ABCB1: variants seen among roughly 807,000 people sequenced by gnomAD.
The protein encoded by ABCB1 is ATP-dependent translocase ABCB1.
ABCB1 carries 69 observed loss-of-function variants against 142.0 expected under a neutral mutation model. The ratio of observed to expected loss-of-function variants is 0.49; its 90% CI spans 0.40 to 0.59. The LOEUF (loss-of-function observed/expected upper bound fraction) is 0.59. Among genes scored for constraint, ABCB1 ranks in the 20% least tolerant of loss-of-function variants. The pLI is 0.00. For missense variants in ABCB1, 1,326 were observed against 1,554.7 expected (o/e 0.85, Z 2.47); for synonymous variants, 532 against 539.2 (o/e 0.99, Z 0.18).
At chr7:87,619,538 CAAAA>C (rs397829281) in intron 1 of ABCB1, among the ~76,000 whole-genome samples, 2 of 77,668 alleles carry the variant, frequency 2.6e-5, no homozygotes, top group Non-Finnish European at 2.7e-5. Flanking sequence ...AACTCCATCT[CAAAA>C]AAAAAAAAAA....
chr7:87,684,651 G>C (rs2130609459), intron 1 of ABCB1, among the ~76,000 whole-genome samples: 1 of 150,366 alleles, frequency 6.7e-6, no homozygotes, highest in South Asian at 2.1e-4. Context: ...AGGAGGCTGA[G>C]GCAGGAGGAT....
chr7:87,557,117 C>T (rs191653534), intron 8 of ABCB1, among the ~76,000 whole-genome samples: 25 of 152,268 alleles, frequency 1.6e-4, no homozygotes, highest in Non-Finnish European at 2.6e-4. Context: ...CTCTTTGATT[C>T]TTTCAGATCA....
intron 1 of ABCB1, among the ~76,000 whole-genome samples, chr7:87,702,735 C>T (rs1829206895): frequency 6.6e-6 from 1 of 151,984 alleles, no homozygotes; most frequent in Admixed American, 6.5e-5. Flanking sequence ...ATCGAACATC[C>T]CAAAACTGAA....
chr7:87,650,893 A>G (rs993588026), intron 1 of ABCB1: 2 of 1,612,908 alleles, frequency 1.2e-6, no homozygotes, highest in Non-Finnish European at 8.5e-7. Context: ...GAATTTAACA[A>G]TTTTGCAGCT....
In ABCB1 at chr7:87,617,077, T is replaced by G. The variant is rs567280755; in HGVS notation, c.-330-15999A>C. On this transcript the variant is annotated intron_variant, in intron 1 of 28. Coordinates refer to the ABCB1 transcript ENST00000265724. ...TCTATGTAGCCCATGAAATTAGAGT[T>G]CTTCCTGAGCCTGCAATCTGGGAAT... Among the ~76,000 whole-genome samples, 3 of 152,290 alleles carry G rather than the reference T, an allele frequency of 2.0e-5. No individual in the cohort carries two copies. The South Asian group carries it at 6.2e-4, about 32-fold the overall frequency.
intron 1 of ABCB1, among the ~76,000 whole-genome samples, chr7:87,639,705 T>G: frequency 6.6e-6 from 1 of 152,138 alleles, no homozygotes; most frequent in Non-Finnish European, 1.5e-5. Context: ...ACAGTTATAA[T>G]AGCTTTCTTT....
At chr7:87,565,057 T>C (rs2129801715) in intron 7 of ABCB1, among the ~76,000 whole-genome samples, 1 of 152,316 alleles carries the variant, frequency 6.6e-6, no homozygotes, top group Middle Eastern at 3.4e-3. Flanking sequence ...TCAGTTTCTT[T>C]CTCTGTAAAG....
chr7:87,516,484 CAAACAGTTG>C lies in ABCB1; in HGVS notation c.3084+16_3084+24del, dbSNP rs758207668. The C allele has an allele frequency of 3.1e-6, 5 of 1,614,020 alleles. No homozygotes were observed. Among genetic ancestry groups the C allele is most frequent in the Non-Finnish European group, 4.2e-6 (5 of 1,179,942 alleles). Reference sequence around the variant, plus strand: ...TTTCATTCAGGAGTCAGGAGTAGATCAAACAGTTGAAACATCAAACTCACCGGCATTAGG... The same window carrying C: ...TTTCATTCAGGAGTCAGGAGTAGATCAAACATCAAACTCACCGGCATTAGG... On this transcript the variant is annotated intron_variant, in intron 24 of 27. Transcript: ENST00000622132.
intron 1 of ABCB1, among the ~76,000 whole-genome samples, chr7:87,643,301 A>G (rs931649139): frequency 2.6e-5 from 4 of 152,196 alleles, no homozygotes; most frequent in African/African-American, 9.6e-5. Context: ...GTTTCAGGGT[A>G]CAAATTTCAG....
chr7:87,539,166 G>A (rs1816417403), intron 19 of ABCB1, 102 bp downstream of exon 19: 2 of 1,243,900 alleles, frequency 1.6e-6, no homozygotes, highest in South Asian at 2.5e-5. Flanking sequence ...ACCAATATAG[G>A]AGCTAGGCCT....
chr7:87,649,950 G>A (rs907592802), intron 1 of ABCB1, among the ~76,000 whole-genome samples: 42 of 152,222 alleles, frequency 2.8e-4, no homozygotes, highest in African/African-American at 9.9e-4. Flanking sequence ...ATAATTGTGA[G>A]GCCTTCCCAG....
At chr7:87,525,027 C>A (rs1236892745) in intron 21 of ABCB1, among the ~76,000 whole-genome samples, 1 of 149,708 alleles carries the variant, frequency 6.7e-6, no homozygotes, top group Admixed American at 6.7e-5. Flanking sequence ...GTTTGAGTCA[C>A]AGACCTAAAA....
chr7:87,504,410 T>C lies in ABCB1; in HGVS notation c.3676A>G (p.Thr1226Ala), dbSNP rs1338160384. 1 of 1,614,110 alleles carries C rather than the reference T, an allele frequency of 6.2e-7. No homozygotes were observed. Among genetic ancestry groups the C allele is most frequent in the Non-Finnish European group, 8.5e-7 (1 of 1,179,982 alleles). Residue 1226 changes from threonine (T) to alanine (A), a missense_variant, in exon 28 of 28, where the codon ACC becomes GCC. By Grantham distance (58) the Thr-to-Ala change is moderately conservative. Transcript: ENST00000622132. ...AGGCGGTGAGCAATCACAATGCAGGTGCGGCCTTCTCTGGCTTTGTCCAGG... is the reference window on the plus strand; with the variant it reads ...AGGCGGTGAGCAATCACAATGCAGGCGCGGCCTTCTCTGGCTTTGTCCAGG... ...EALDKAREGR[T>A]CIVIAHRLST...
chr7:87,505,816 A>G (rs1254847995), intron 27 of ABCB1, 81 bp downstream of exon 27: 1 of 1,539,034 alleles, frequency 6.5e-7, no homozygotes, highest in Non-Finnish European at 9.0e-7. Context: ...ATCTGGCTGC[A>G]TTTTGTTCTT....
intron 2 of ABCB1, among the ~76,000 whole-genome samples, chr7:87,596,840 A>G (rs1305689794): frequency 6.6e-6 from 1 of 152,074 alleles, no homozygotes; most frequent in African/African-American, 2.4e-5. Context: ...GTCCCACCCA[A>G]TTCCCAGTAA....
chr7:87,668,854 T>C (rs1002718314), intron 1 of ABCB1, among the ~76,000 whole-genome samples: 2 of 152,332 alleles, frequency 1.3e-5, no homozygotes, highest in East Asian at 3.9e-4. Flanking sequence ...TTTGGTATGA[T>C]TTCAGTTCTT....
At chr7:87,629,237 A>G in intron 1 of ABCB1, 1 of 320,808 alleles carries the variant, frequency 3.1e-6, no homozygotes, top group Non-Finnish European at 5.7e-6. Context: ...GTCAGAGTGA[A>G]AGAGGAGGGC....
chr7:87,572,127 G>T (rs1818080895), intron 4 of ABCB1, among the ~76,000 whole-genome samples: 1 of 152,122 alleles, frequency 6.6e-6, no homozygotes, highest in Non-Finnish European at 1.5e-5. Flanking sequence ...GTCAGGTGAG[G>T]ATTTTTCTCC....
At chr7:87,672,142 A>G (rs1221671869) in intron 1 of ABCB1, among the ~76,000 whole-genome samples, 1 of 152,094 alleles carries the variant, frequency 6.6e-6, no homozygotes, top group Non-Finnish European at 1.5e-5. Flanking sequence ...GCATCATCCC[A>G]GGGAGAATTC....
Sources: gnomAD v4.1 joint callset for allele counts (sites outside exome capture counted in the v4.1 genomes callset) on GRCh38, gnomAD v4.1.1 for gene constraint, MANE v1.5 for transcripts, NCBI Gene and HGNC (gene_info 2026-07-23, HGNC 2026-07-21) for gene names.